The following SNAP25 variants were observed in gnomAD, a reference collection of about 807,000 sequenced individuals.
SNAP25 encodes synaptosome associated protein 25, also known as synaptosomal-associated protein 25.
In SNAP25, 3 loss-of-function variants were observed where a neutral mutation model predicts 28.7. The observed-to-expected ratio is 0.10, with a 90% CI of 0.05 to 0.27. The LOEUF is 0.27. Ranked by LOEUF, SNAP25 falls within the 10% of genes least tolerant of loss-of-function variation. The pLI is 1.00. For synonymous variants in SNAP25, 61 were observed against 88.1 expected (o/e 0.69, Z 1.72); for missense variants, 117 against 278.7 (o/e 0.42, Z 4.13).
chr20:10,260,719 AC>A (rs1568597269), intron 1 of SNAP25, among the ~76,000 whole-genome samples: 52 of 146,762 alleles, frequency 3.5e-4, no homozygotes, highest in African/African-American at 1.3e-3. Context: ...ACACACACAC[AC>A]ACAAACACAC....
In SNAP25 at chr20:10,293,050, T is replaced by C. The variant is rs372757313; in HGVS notation, c.164-111T>C. Reference sequence around the variant, plus strand: ...CTGTGGCGTCCAGTTTTCTTTCTTTTTTTTTTTTTCTTTTTTAATGTCAAA... The same window carrying C: ...CTGTGGCGTCCAGTTTTCTTTCTTTCTTTTTTTTTCTTTTTTAATGTCAAA... On this transcript the variant is annotated intron_variant, in intron 4 of 7. Coordinates refer to ENST00000254976, the MANE Select transcript of SNAP25 (RefSeq NM_130811.4). The surrounding 1 kb of genome is among the most constrained non-coding windows in gnomAD (Gnocchi z 5.6). The C allele has an allele frequency of 1.6e-5, 23 of 1,479,238 alleles. No individual in the cohort carries two copies. The highest frequency in any genetic ancestry group is 4.5e-5 in the East Asian group (2 of 44,090). The allele number at this position is 1,479,238 out of a possible 1,614,324, so 91.6% of individuals were successfully genotyped here.
Position 10,293,374 on chromosome 20 carries a change from C to A in SNAP25, c.281+96C>A. On this transcript the variant is annotated intron_variant, in intron 5 of 7. Transcript: ENST00000254976. This position sits in a 1 kb window ranked among gnomAD's most constrained non-coding sequence, Gnocchi z 5.6. ...CTGCCAAGCTCATAGGCAGGATGAG[C>A]ATGTGGCATGCAGAACAGATCAATA... 2.3e-6 allele frequency: 2 copies of A among 872,844 alleles called. No homozygotes were observed. Among genetic ancestry groups the A allele is most frequent in the Non-Finnish European group, 3.9e-6 (2 of 519,432 alleles). 54.1% of individuals were successfully genotyped at this position (872,844 alleles called of 1,614,324 possible). A position where few individuals can be genotyped will look rare whatever the true frequency, so the allele number is the denominator to read the frequency against.
At chr20:10,268,422 T>C (rs1165190090) in intron 1 of SNAP25, among the ~76,000 whole-genome samples, 1 of 152,190 alleles carries the variant, frequency 6.6e-6, no homozygotes, top group African/African-American at 2.4e-5. Flanking sequence ...GGTTTATTTA[T>C]TAAAAGAGGA....
intron 1 of SNAP25, among the ~76,000 whole-genome samples, chr20:10,270,935 T>G (rs2046526250): frequency 6.6e-6 from 1 of 152,218 alleles, no homozygotes; most frequent in Admixed American, 6.5e-5. Flanking sequence ...TTAACATGAA[T>G]TGAACCCTTA....
Position 10,275,578 on chromosome 20 carries a change from C to T in SNAP25, c.72+15C>T, listed in dbSNP as rs1214326164. On this transcript the variant is annotated intron_variant, in intron 2 of 7. Coordinates refer to ENST00000254976, the MANE Select transcript of SNAP25 (RefSeq NM_130811.4). ...TGGCTGATGAGGTAAGGAGTGGAGACCTAGGAAGGGAGGCAAAAGATGAAG... is the reference window on the plus strand; with the variant it reads ...TGGCTGATGAGGTAAGGAGTGGAGATCTAGGAAGGGAGGCAAAAGATGAAG... 5 of 1,580,432 alleles carry T rather than the reference C, an allele frequency of 3.2e-6. No homozygotes were observed. Among genetic ancestry groups the T allele is most frequent in the Non-Finnish European group, 4.3e-6 (5 of 1,160,484 alleles).
intron 1 of SNAP25, among the ~76,000 whole-genome samples, chr20:10,248,455 A>G (rs987951672): frequency 1.3e-5 from 2 of 152,378 alleles, no homozygotes; most frequent in Non-Finnish European, 2.9e-5. Context: ...GGCAATAATT[A>G]TGAATAATTA....
chr20:10,282,470 C>T (rs1261356401), intron 3 of SNAP25, among the ~76,000 whole-genome samples: 1 of 152,222 alleles, frequency 6.6e-6, no homozygotes, highest in Non-Finnish European at 1.5e-5. Flanking sequence ...ACCTAAAAAA[C>T]TCTTGCTCCC....
At chr20:10,223,459 A>G (rs1238499115) in intron 1 of SNAP25, among the ~76,000 whole-genome samples, 1 of 152,198 alleles carries the variant, frequency 6.6e-6, no homozygotes, top group African/African-American at 2.4e-5. Flanking sequence ...CTTCACTAAA[A>G]CACTGGCAGT....
chr20:10,252,865 G>T lies in SNAP25; in HGVS notation c.-63-22564G>T, dbSNP rs199944026. The stretch of plus-strand genomic sequence containing the variant: ...TTTAAGTTTTGGCCACTTAGTAAGT[G>T]TGTAACCTTAGGCAAAATATTTAAA... On this transcript the variant is annotated intron_variant, in intron 1 of 7. Transcript: ENST00000254976. Among the ~76,000 whole-genome samples the T allele has an allele frequency of 8.7e-5, 13 of 149,066 alleles. No homozygotes were observed. The East Asian group carries it at 2.4e-3, about 27-fold the overall frequency.
At chr20:10,252,519 C>T (rs1158406104) in intron 1 of SNAP25, among the ~76,000 whole-genome samples, 6 of 152,066 alleles carry the variant, frequency 3.9e-5, no homozygotes, top group Admixed American at 1.3e-4. Context: ...AAACTTTTGA[C>T]GGTGATTGAC....
Position 10,250,379 on chromosome 20 carries a change from T to G in SNAP25, c.-63-25050T>G, listed in dbSNP as rs183874057. On this transcript the variant is annotated intron_variant, in intron 1 of 7. Transcript: ENST00000254976. ...GAGACTTTAATCACCTTCCATCTGCTTAGAACCAGAGCTCTCATGATACAC... is the reference window on the plus strand; with the variant it reads ...GAGACTTTAATCACCTTCCATCTGCGTAGAACCAGAGCTCTCATGATACAC... 2.0e-5 allele frequency among the ~76,000 whole-genome samples: 3 copies of G among 152,306 alleles called. No individual in the cohort carries two copies. In the East Asian group the frequency reaches 5.8e-4, roughly 29 times the overall value.
chr20:10,275,400 C>T (rs1292953569), intron 1 of SNAP25, 29 bp from the exon 2 acceptor site: 5 of 1,150,518 alleles, frequency 4.3e-6, no homozygotes, highest in Non-Finnish European at 4.9e-6. Context: ...TATATAAGCT[C>T]TCATATTTTC....
intron 5 of SNAP25, among the ~76,000 whole-genome samples, chr20:10,294,037 T>A (rs1352171177): frequency 6.6e-6 from 1 of 152,072 alleles, no homozygotes; most frequent in Non-Finnish European, 1.5e-5. Context: ...GTTATAAAGG[T>A]TTGCAATGGA....
At chr20:10,296,579 T>C (rs1401507156) in intron 5 of SNAP25, 1 of 253,378 alleles carries the variant, frequency 3.9e-6, no homozygotes, top group Non-Finnish European at 7.7e-6. Flanking sequence ...CTCTGTTTTA[T>C]GTCTCCAAAT....
At chr20:10,286,478 G>A (rs1281286269) in intron 4 of SNAP25, among the ~76,000 whole-genome samples, 3 of 152,136 alleles carry the variant, frequency 2.0e-5, no homozygotes, top group Non-Finnish European at 4.4e-5. Flanking sequence ...CCAGGCCAAT[G>A]GGGAGCCCGA....
At chr20:10,245,600 A>G (rs1283514612) in intron 1 of SNAP25, among the ~76,000 whole-genome samples, 1 of 152,230 alleles carries the variant, frequency 6.6e-6, no homozygotes, top group Non-Finnish European at 1.5e-5. Flanking sequence ...TCGCATTTAC[A>G]GTTTCACCCC....
intron 1 of SNAP25, among the ~76,000 whole-genome samples, chr20:10,262,539 T>C (rs2063431995): frequency 6.6e-6 from 1 of 151,874 alleles, no homozygotes; most frequent in Admixed American, 6.6e-5. Flanking sequence ...GATTCAGTGG[T>C]TTGTTGATTC....
At chr20:10,254,374 C>G (rs1166181937) in intron 1 of SNAP25, among the ~76,000 whole-genome samples, 2 of 152,314 alleles carry the variant, frequency 1.3e-5, no homozygotes, top group East Asian at 3.9e-4. Context: ...GGCACACCCC[C>G]CTTGCTTGGC....
chr20:10,243,868 G>A (rs2063079242), intron 1 of SNAP25, among the ~76,000 whole-genome samples: 1 of 152,016 alleles, frequency 6.6e-6, no homozygotes, highest in Non-Finnish European at 1.5e-5. Context: ...GAGGTGGGTG[G>A]AAATCAGTCA....
Sources: allele counts gnomAD v4.1 joint callset (sites outside exome capture counted in the v4.1 genomes callset), GRCh38; gene constraint gnomAD v4.1.1; non-coding constraint Gnocchi (gnomAD v3.1); transcripts MANE v1.5; gene names NCBI Gene and HGNC (gene_info 2026-07-23, HGNC 2026-07-21).